The following MTDH variants were observed in gnomAD, a reference collection of about 807,000 sequenced individuals.
MTDH encodes protein LYRIC.
Under a neutral mutation model 72.7 loss-of-function variants are expected in MTDH, and 34 were observed. The ratio of observed to expected loss-of-function variants is 0.47; its 90% confidence interval spans 0.36 to 0.62. The LOEUF (loss-of-function observed/expected upper bound fraction) is 0.62, where lower values mean the gene tolerates loss of function less well. Ranked by LOEUF, MTDH falls within the 20% of genes least tolerant of loss-of-function variation. The probability of loss-of-function intolerance (pLI) is 0.00; values close to 1 mark genes in which losing one functional copy is unlikely to be tolerated. For synonymous variants in MTDH, 266 were observed against 268.9 expected (o/e 0.99, Z 0.10); for missense variants, 677 against 699.4 (o/e 0.97, Z 0.36).
chr8:97,661,217 G>T, intron 2 of MTDH, 44 bp downstream of exon 2: 1 of 1,350,028 alleles, frequency 7.4e-7, no homozygotes. Context: ...ACTCTTAATA[G>T]AATGACATAT....
rs1313674020 is a variant in MTDH, at chr8:97,727,498, A to AAAAAAAAAC, written c.*2836_*2837insCAAAAAAAA. On this transcript the variant is annotated 3_prime_UTR_variant, in exon 12 of 12. Coordinates refer to ENST00000336273, the MANE Select transcript of MTDH (RefSeq NM_178812.4). Reference sequence around the variant, plus strand: ...TGAAAGAGCGAGACTCAATCTCAAAAAAAAAAAAGTTTCTGGCACCTGAAC... The same window carrying AAAAAAAAAC: ...TGAAAGAGCGAGACTCAATCTCAAAAAAAAAAAACAAAAAAAAGTTTCTGGCACCTGAAC... 9 of 152,108 alleles carry AAAAAAAAAC rather than the reference A, an allele frequency of 5.9e-5. No homozygotes were observed. The highest frequency in any genetic ancestry group is 1.2e-4 in the Non-Finnish European group (8 of 68,012). The allele number at this position is 152,108 out of a possible 1,614,324, so 9.4% of individuals were successfully genotyped here. A position where few individuals can be genotyped will look rare whatever the true frequency, so the allele number is the denominator to read the frequency against.
chr8:97,666,204 A>G (rs1427690944), intron 2 of MTDH, among the ~76,000 whole-genome samples: 1 of 152,200 alleles, frequency 6.6e-6, no homozygotes, highest in Non-Finnish European at 1.5e-5. Flanking sequence ...CGGAAACAAA[A>G]TGTGTAAACT....
At chr8:97,673,708 C>T (rs756077459) in intron 2 of MTDH, among the ~76,000 whole-genome samples, 3 of 150,824 alleles carry the variant, frequency 2.0e-5, no homozygotes, top group Admixed American at 6.6e-5. Flanking sequence ...GGTGCAGTGG[C>T]TCACACCTTT....
In MTDH at chr8:97,691,079, A is replaced by G; in HGVS notation, c.939A>G (p.Gly313=). ...KWNSVSPASA[G]KRKTEPSAWS... ...ACTCCGTTTCACCTGCTTCTGCAGG[A>G]AAGAGGAAAACTGAGCCATCTGCCT... Residue 313 remains glycine, a synonymous_variant, in exon 6 of 12, where the codon GGA becomes GGG. Coordinates refer to ENST00000336273, the MANE Select transcript of MTDH (RefSeq NM_178812.4). 1 of 1,614,202 alleles carries G rather than the reference A, an allele frequency of 6.2e-7. No individual in the cohort carries two copies. The highest frequency in any genetic ancestry group is 8.5e-7 in the Non-Finnish European group (1 of 1,180,020).
At chr8:97,680,358 C>T (rs77547202) in intron 2 of MTDH, among the ~76,000 whole-genome samples, 4,325 of 152,274 alleles carry the variant, frequency 0.028, 144 homozygotes, top group African/African-American at 0.072. Flanking sequence ...CAAGCATGTA[C>T]CACCGCACCC....
intron 10 of MTDH, among the ~76,000 whole-genome samples, chr8:97,720,002 C>G (rs1815041264): frequency 6.9e-6 from 1 of 144,746 alleles, no homozygotes; most frequent in Non-Finnish European, 1.6e-5. Flanking sequence ...CATATAAATT[C>G]AGGGCTGGGT....
Position 97,683,045 on chromosome 8 carries a change from C to CTTTTTTTTTTTT in MTDH, c.484-3597_484-3586dup, listed in dbSNP as rs71271144. Among the ~76,000 whole-genome samples, 30 of 44,386 alleles carry CTTTTTTTTTTTT rather than the reference C, an allele frequency of 6.8e-4. 11 individuals carry two copies. Among genetic ancestry groups the CTTTTTTTTTTTT allele is most frequent in the Non-Finnish European group, 1.1e-3 (26 of 22,954 alleles). 29.1% of individuals were successfully genotyped at this position (44,386 alleles called of 152,430 possible). On this transcript the variant is annotated intron_variant, in intron 2 of 11. Coordinates refer to ENST00000336273, the MANE Select transcript of MTDH (RefSeq NM_178812.4). ...CTTTACCCTATGATGCTCTTAGACA[C>CTTTTTTTTTTTT]TTTTTTTTTTTTTTTTTTTTTTTTT...
chr8:97,711,061 ATGAAT>A (rs1814610016), intron 8 of MTDH, among the ~76,000 whole-genome samples: 1 of 152,180 alleles, frequency 6.6e-6, no homozygotes, highest in Non-Finnish European at 1.5e-5. Flanking sequence ...CTGCATCATT[ATGAAT>A]ACTAACATAA....
chr8:97,722,496 G>C (rs967569607), intron 10 of MTDH, among the ~76,000 whole-genome samples: 5 of 152,160 alleles, frequency 3.3e-5, no homozygotes, highest in Non-Finnish European at 7.3e-5. Flanking sequence ...CAGCTACTCA[G>C]GAGGCTGAGG....
At chr8:97,686,631 TAAC>T (rs1813375142) in intron 2 of MTDH, 34 bp from the exon 3 acceptor site, 1 of 1,358,124 alleles carries the variant, frequency 7.4e-7, no homozygotes, top group Non-Finnish European at 1.0e-6. Flanking sequence ...TTCAAAAACA[TAAC>T]AAAATATTAA....
At chr8:97,654,938 A>G (rs560141990) in intron 1 of MTDH, among the ~76,000 whole-genome samples, 77 of 152,084 alleles carry the variant, frequency 5.1e-4, no homozygotes, top group Non-Finnish European at 1.2e-4. Flanking sequence ...TGTCTCTACA[A>G]AAAATTAACT....
intron 7 of MTDH, chr8:97,706,413 T>C: frequency 3.3e-6 from 1 of 304,636 alleles, no homozygotes; most frequent in Non-Finnish European, 5.9e-6. Flanking sequence ...TGGAATTTCT[T>C]AGAAATTCCA....
At chr8:97,693,682 T>G (rs2131016280) in intron 6 of MTDH, among the ~76,000 whole-genome samples, 1 of 152,264 alleles carries the variant, frequency 6.6e-6, no homozygotes, top group Non-Finnish European at 1.5e-5. Flanking sequence ...ATTTTCCCAT[T>G]TGTCTAATGA....
chr8:97,655,769 T>C (rs1811949079), intron 1 of MTDH, among the ~76,000 whole-genome samples: 1 of 152,262 alleles, frequency 6.6e-6, no homozygotes, highest in East Asian at 1.9e-4. Context: ...CTGGGCAACA[T>C]AGCAAGACCT....
chr8:97,647,618 TGTCA>T (rs1312587570), intron 1 of MTDH, among the ~76,000 whole-genome samples: 2 of 152,190 alleles, frequency 1.3e-5, no homozygotes, highest in Non-Finnish European at 2.9e-5. Context: ...AAGACAACTC[TGTCA>T]GCCTGGCAGG....
chr8:97,658,066 C>T (rs940228469), intron 1 of MTDH, among the ~76,000 whole-genome samples: 1 of 152,102 alleles, frequency 6.6e-6, no homozygotes, highest in African/African-American at 2.4e-5. Context: ...TTTCCAGCAA[C>T]CCAAGAATTA....
rs555167301 is a variant in MTDH, at chr8:97,729,067, A to G, written c.*4397A>G. Among the ~76,000 whole-genome samples the G allele has an allele frequency of 6.7e-6, 1 of 149,040 alleles. No individual in the cohort carries two copies. The highest frequency in any genetic ancestry group is 2.1e-4 in the South Asian group (1 of 4,692). On this transcript the variant is annotated 3_prime_UTR_variant, in exon 12 of 12. Transcript: ENST00000336273. Reference sequence around the variant, plus strand: ...CCAGAGTACCTGGGACTACAGGTACACACCACCATGCCTGGCTAAATTTTT... The same window carrying G: ...CCAGAGTACCTGGGACTACAGGTACGCACCACCATGCCTGGCTAAATTTTT...
intron 2 of MTDH, among the ~76,000 whole-genome samples, chr8:97,677,510 A>G (rs2130974266): frequency 6.6e-6 from 1 of 151,600 alleles, no homozygotes; most frequent in African/African-American, 2.4e-5. Flanking sequence ...AAAAAGAAAG[A>G]AAGAAAGAAA....
intron 10 of MTDH, among the ~76,000 whole-genome samples, chr8:97,721,117 CTAAG>C (rs1009042801): frequency 6.6e-6 from 1 of 151,960 alleles, no homozygotes; most frequent in Non-Finnish European, 1.5e-5. Flanking sequence ...ACAGGGAACA[CTAAG>C]AAAGGTAAAG....
Sources: allele counts gnomAD v4.1 joint callset (sites outside exome capture counted in the v4.1 genomes callset), GRCh38; gene constraint gnomAD v4.1.1; transcripts MANE v1.5; gene names NCBI Gene and HGNC (gene_info 2026-07-23, HGNC 2026-07-21).